Variants in SSBP3 observed in about 807,000 individuals in gnomAD.
SSBP3 encodes single-stranded DNA-binding protein 3.
Under a neutral mutation model 69.6 loss-of-function variants are expected in SSBP3, and 5 were observed. The ratio of observed to expected loss-of-function variants is 0.07; its 90% CI spans 0.04 to 0.15. The LOEUF is 0.15. Ranked by LOEUF, SSBP3 falls within the 10% of genes least tolerant of loss-of-function variation. SSBP3 has a pLI of 1.00. For missense variants in SSBP3, 312 were observed against 534.0 expected (o/e 0.58, Z 4.10); for synonymous variants, 196 against 193.4 (o/e 1.01, Z -0.11).
At chr1:54,325,893 G>C (rs1350287728) in intron 4 of SSBP3, among the ~76,000 whole-genome samples, 1 of 152,106 alleles carries the variant, frequency 6.6e-6, no homozygotes, top group Non-Finnish European at 1.5e-5. Flanking sequence ...GATAATCAAA[G>C]GGAAAATCCT....
chr1:54,248,813 C>T (rs141594218), intron 9 of SSBP3, among the ~76,000 whole-genome samples: 9 of 152,316 alleles, frequency 5.9e-5, no homozygotes, highest in Non-Finnish European at 8.8e-5. Context: ...TTAATACTCA[C>T]CCTACCCAGA....
chr1:54,313,435 CTT>C (rs752753963), intron 4 of SSBP3, among the ~76,000 whole-genome samples: 1,715 of 86,294 alleles, frequency 0.02, 24 homozygotes, highest in African/African-American at 0.049. Flanking sequence ...TGTGCCTGTG[CTT>C]TTTTTTTTTT....
intron 4 of SSBP3, among the ~76,000 whole-genome samples, chr1:54,348,572 T>C (rs1459042896): frequency 1.3e-5 from 2 of 152,192 alleles, no homozygotes; most frequent in African/African-American, 2.4e-5. Context: ...TTGGGCTTTA[T>C]TTGTTTTGGA....
intron 4 of SSBP3, among the ~76,000 whole-genome samples, chr1:54,376,896 C>T (rs543768333): frequency 6.6e-6 from 1 of 152,154 alleles, no homozygotes; most frequent in African/African-American, 2.4e-5. Context: ...ACCCTGTGAC[C>T]AAGTCATGAC....
At chr1:54,341,429 A>T (rs1200579268) in intron 4 of SSBP3, among the ~76,000 whole-genome samples, 2 of 152,120 alleles carry the variant, frequency 1.3e-5, no homozygotes, top group African/African-American at 4.8e-5. Context: ...ATTTCTGATT[A>T]TAATGTTTAT....
intron 4 of SSBP3, among the ~76,000 whole-genome samples, chr1:54,347,150 T>TA (rs1646703026): frequency 6.6e-6 from 1 of 152,088 alleles, no homozygotes; most frequent in South Asian, 2.1e-4. Context: ...AATTTTTACA[T>TA]AGAGATGGGG....
In SSBP3 at chr1:54,280,220, C is replaced by T. The variant is rs111801508; in HGVS notation, c.366+1218G>A. Among the ~76,000 whole-genome samples the T allele has an allele frequency of 4.8e-3, 726 of 152,320 alleles. 5 individuals are homozygous for T. Among genetic ancestry groups the T allele is most frequent in the African/African-American group, 0.017 (689 of 41,564 alleles). On this transcript the variant is annotated intron_variant, in intron 5 of 17. Coordinates refer to ENST00000610401, the Ensembl canonical transcript of SSBP3. ...TCTTCTCTCAGGAGTTAACACCAAC[C>T]GAAATACAAAATCTTGCCAACTAGA...
intron 4 of SSBP3, among the ~76,000 whole-genome samples, chr1:54,378,701 G>C (rs1030609541): frequency 5.3e-5 from 8 of 152,194 alleles, no homozygotes; most frequent in Non-Finnish European, 8.8e-5. Flanking sequence ...CTGTTGTTTC[G>C]AGGGGAGTGA....
intron 4 of SSBP3, among the ~76,000 whole-genome samples, chr1:54,400,416 AACT>A (rs1375956082): frequency 6.6e-6 from 1 of 152,180 alleles, no homozygotes; most frequent in Admixed American, 6.5e-5. Context: ...CAAATTCATC[AACT>A]ATTTTTATAT....
chr1:54,406,995 G>A (rs1050099506), upstream of SSBP3, among the ~76,000 whole-genome samples: 10 of 152,032 alleles, frequency 6.6e-5, no homozygotes, highest in Non-Finnish European at 8.8e-5. Flanking sequence ...CGCCCAGTCT[G>A]GCTTCCGAGC....
chr1:54,238,922 C>T (rs1034641745), intron 14 of SSBP3: 4 of 382,948 alleles, frequency 1.0e-5, no homozygotes, highest in Admixed American at 4.0e-5. Flanking sequence ...GGGTGGGCAT[C>T]GTCCCACCCC....
chr1:54,312,158 A>G (rs559331919), intron 4 of SSBP3, among the ~76,000 whole-genome samples: 33 of 152,244 alleles, frequency 2.2e-4, no homozygotes, highest in African/African-American at 7.7e-4. Flanking sequence ...GGCCAGGCAC[A>G]ATGGCTCATG....
chr1:54,358,313 T>G (rs1463240433), intron 4 of SSBP3, among the ~76,000 whole-genome samples: 1 of 152,206 alleles, frequency 6.6e-6, no homozygotes, highest in African/African-American at 2.4e-5. Flanking sequence ...CCTCAGTATT[T>G]AGATACGGTG....
At chr1:54,234,418 T>A (rs1644450365) in intron 14 of SSBP3, among the ~76,000 whole-genome samples, 1 of 151,276 alleles carries the variant, frequency 6.6e-6, no homozygotes, top group Non-Finnish European at 1.5e-5. Context: ...TGAGACCTCA[T>A]CTCTACAACA....
At chr1:54,307,191 G>T (rs1003643028) in intron 4 of SSBP3, among the ~76,000 whole-genome samples, 1 of 152,016 alleles carries the variant, frequency 6.6e-6, no homozygotes, top group African/African-American at 2.4e-5. Flanking sequence ...GGAACCAGCT[G>T]CCCCCAGTTA....
chr1:54,291,113 G>A (rs964909875), intron 4 of SSBP3, among the ~76,000 whole-genome samples: 5 of 152,234 alleles, frequency 3.3e-5, no homozygotes. Flanking sequence ...ATCCTGCCAG[G>A]ACCGAGGTGT....
chr1:54,269,978 C>A (rs1348133138), intron 5 of SSBP3, among the ~76,000 whole-genome samples: 1 of 152,232 alleles, frequency 6.6e-6, no homozygotes, highest in Admixed American at 6.5e-5. Flanking sequence ...CCCTACCTCC[C>A]AACCCTGGGA....
At chr1:54,246,273 G>A (rs1644732386) in intron 9 of SSBP3, among the ~76,000 whole-genome samples, 1 of 152,086 alleles carries the variant, frequency 6.6e-6, no homozygotes, top group African/African-American at 2.4e-5. Flanking sequence ...GGTCTCAAAG[G>A]GCCCTTTCTA....
chr1:54,273,988 G>T (rs1301623685), intron 5 of SSBP3, among the ~76,000 whole-genome samples: 2 of 152,236 alleles, frequency 1.3e-5, no homozygotes, highest in Non-Finnish European at 2.9e-5. Flanking sequence ...CCTTCTGTCA[G>T]TCTGGAGGCG....
Sources: gnomAD v4.1 joint callset for allele counts (sites outside exome capture counted in the v4.1 genomes callset) on GRCh38, gnomAD v4.1.1 for gene constraint, MANE v1.5 for transcripts, NCBI Gene and HGNC (gene_info 2026-07-23, HGNC 2026-07-21) for gene names.